Variants in MYO1C observed in about 807,000 individuals in gnomAD.
MYO1C encodes unconventional myosin-Ic.
A neutral mutation model predicts 150.8 loss-of-function variants in MYO1C; 104 were observed. The ratio of observed to expected loss-of-function variants is 0.69; its 90% confidence interval spans 0.59 to 0.81. The LOEUF (loss-of-function observed/expected upper bound fraction) is 0.81. Among genes scored for constraint, MYO1C ranks in the 30% least tolerant of loss-of-function variants. The probability of loss-of-function intolerance (pLI) is 0.00; values close to 1 mark genes in which losing one functional copy is unlikely to be tolerated. For missense variants in MYO1C, 1,504 were observed against 1,435.0 expected, an observed-to-expected ratio of 1.05 and a Z score of -0.78; for synonymous variants, 663 against 579.9, an observed-to-expected ratio of 1.14 and a Z score of -2.06.
At chr17:1,474,535 G>C (rs1360782432) in intron 17 of MYO1C, 75 bp downstream of exon 17, 2 of 1,496,096 alleles carry the variant, frequency 1.3e-6, no homozygotes, top group African/African-American at 2.8e-5. Context: ...CACGCTGCCA[G>C]CTCCCAGGCT....
At chr17:1,469,398 C>T (rs2074250482) in intron 25 of MYO1C, 133 bp downstream of exon 25, 4 of 882,834 alleles carry the variant, frequency 4.5e-6, no homozygotes, top group African/African-American at 1.7e-5. Context: ...TACGGTAGAT[C>T]GGGGTAAATA....
At chr17:1,481,507 A>G (rs901200036) in intron 5 of MYO1C, among the ~76,000 whole-genome samples, 6 of 151,572 alleles carry the variant, frequency 4.0e-5, no homozygotes, top group African/African-American at 1.5e-4. Context: ...TCATTTTTTT[A>G]TTTTTTATTT....
chr17:1,492,109 T>G, intron 1 of MYO1C: 1 of 430,836 alleles, frequency 2.3e-6, no homozygotes, highest in Non-Finnish European at 4.4e-6. Flanking sequence ...CATGCCCTGG[T>G]CCTTCGACCT....
Position 1,479,831 on chromosome 17 carries a change from G to A in MYO1C, c.907-126C>T, listed in dbSNP as rs2074480858. On this transcript the variant is annotated intron_variant, in intron 7 of 31. Transcript: ENST00000648651. This position sits in a 1 kb window ranked among gnomAD's most constrained non-coding sequence, Gnocchi z 4.2. ...GAGAGAAGGGGCTGGAAGTGGGAAT[G>A]GGTGTTAAAGGTGGAAGGTGATTCT... The A allele has an allele frequency of 1.5e-6, 1 of 678,078 alleles. No individual in the cohort carries two copies. The highest frequency in any genetic ancestry group is 1.8e-5 in the African/African-American group (1 of 56,228). The allele number at this position is 678,078 out of a possible 1,614,324, so 42.0% of individuals were successfully genotyped here.
intron 18 of MYO1C, 47 bp downstream of exon 18, chr17:1,472,076 C>T (rs751552103): frequency 3.7e-6 from 6 of 1,612,932 alleles, no homozygotes; most frequent in Non-Finnish European, 2.5e-6. Context: ...CGGCCTGTCT[C>T]CTGCAGGGGA....
chr17:1,477,194 TTG>T, intron 14 of MYO1C: 21 of 265,862 alleles, frequency 7.9e-5, no homozygotes, highest in South Asian at 2.4e-4. Context: ...TTTTTTTTTT[TTG>T]AGACGGAGTC....
intron 25 of MYO1C, chr17:1,468,734 T>C: frequency 1.7e-6 from 1 of 575,400 alleles, no homozygotes; most frequent in East Asian, 2.9e-5. Flanking sequence ...GTTTTGAAAC[T>C]GGCCTTGGTA....
At chr17:1,477,814 G>T in intron 13 of MYO1C, 77 bp downstream of exon 13, 3 of 1,398,306 alleles carry the variant, frequency 2.1e-6, no homozygotes, top group Non-Finnish European at 3.0e-6. Context: ...CCGTGGACCA[G>T]CCTGGAGAGA....
Position 1,480,903 on chromosome 17 carries a change from C to A in MYO1C, c.628-18G>T, listed in dbSNP as rs778124706. On this transcript the variant is annotated intron_variant, in intron 5 of 31. Coordinates refer to ENST00000648651, the MANE Select transcript of MYO1C (RefSeq NM_001080779.2). ...GGGGCACCCTGTGGGCAGGGCAGGG[C>A]ATGAGGCCGGGTCACGGGGACTGGG... The A allele has an allele frequency of 1.2e-6, 2 of 1,613,190 alleles. No homozygotes were observed. Among genetic ancestry groups the A allele is most frequent in the Non-Finnish European group, 1.7e-6 (2 of 1,179,900 alleles).
In MYO1C at chr17:1,467,902, CAG is replaced by C. The variant is rs1567513486; in HGVS notation, c.2903_2904del (p.Ser968CysfsTer19). ...AAAAGACTGTCGCTCAGGCTGCTGA[CAG>C]AGATTCCTGAGGGGAGAGGGCAAAG... ...RIDYANLTGI[S>X]VSSLSDSLFV... On this transcript the variant is annotated frameshift_variant, in exon 29 of 32. Transcript: ENST00000648651. LOFTEE classifies it high-confidence loss of function. 4 of 1,612,020 alleles carry C rather than the reference CAG, an allele frequency of 2.5e-6. No homozygotes were observed. Among genetic ancestry groups the C allele is most frequent in the South Asian group, 1.1e-5 (1 of 90,940 alleles).
In MYO1C at chr17:1,479,389, A is replaced by G. The variant is rs755860212; in HGVS notation, c.1092+42T>C. 1.5e-5 allele frequency: 14 copies of G among 915,380 alleles called. No individual in the cohort carries two copies. Among genetic ancestry groups the G allele is most frequent in the Admixed American group, 6.0e-5 (3 of 50,298 alleles). 56.7% of individuals were successfully genotyped at this position (915,380 alleles called of 1,614,324 possible). On this transcript the variant is annotated intron_variant, in intron 9 of 31. Transcript: ENST00000648651. This position sits in a 1 kb window ranked among gnomAD's most constrained non-coding sequence, Gnocchi z 4.2. ...TGATGGGAGTAGGGGCTGCCTTGGA[A>G]CAGCTGCCCCTCCACACCCGAGGGC...
chr17:1,470,498 C>A lies in MYO1C; in HGVS notation c.2303G>T (p.Trp768Leu). ...KRSAICIQSWWRGTLGRRKAA... is the reference protein window; with the variant it reads ...KRSAICIQSWLRGTLGRRKAA... ...CTTCCTCCGGCCCAGTGTTCCACGCCACCACGACTGGATGCAGATGGCTGT... is the reference window on the plus strand; with the variant it reads ...CTTCCTCCGGCCCAGTGTTCCACGCAACCACGACTGGATGCAGATGGCTGT... The change falls in exon 23 of 32, where the codon TGG (tryptophan) becomes TTG (leucine). Residue 768 changes from tryptophan to leucine, a missense_variant. Transcript: ENST00000648651. 1 of 1,552,042 alleles carries A rather than the reference C, an allele frequency of 6.4e-7. No homozygotes were observed. The highest frequency in any genetic ancestry group is 8.7e-7 in the Non-Finnish European group (1 of 1,147,558).
In MYO1C at chr17:1,470,296, C is replaced by G; in HGVS notation, c.2405G>C (p.Cys802Ser). Reference protein sequence around the residue: ...RGFVLRHAPRCPENAFFLDHV... With the variant: ...RGFVLRHAPRSPENAFFLDHV... ...GTCCAGGAAGAAGGCGTTCTCGGGGCAGCGGGGGGCGTGGCGCAGGACGAA... is the reference window on the plus strand; with the variant it reads ...GTCCAGGAAGAAGGCGTTCTCGGGGGAGCGGGGGGCGTGGCGCAGGACGAA... Residue 802 changes from cysteine to serine, a missense_variant, in exon 24 of 32, where the codon TGC (cysteine) becomes TCC (serine). By Grantham distance (112) the Cys-to-Ser change is moderately radical. Transcript: ENST00000648651. The G allele has an allele frequency of 5.7e-6, 9 of 1,574,848 alleles. No individual in the cohort carries two copies. The highest frequency in any genetic ancestry group is 7.7e-6 in the Non-Finnish European group (9 of 1,162,322).
Position 1,478,973 on chromosome 17 carries a change from G to A in MYO1C, c.1093-238C>T, listed in dbSNP as rs1388470473. Among the ~76,000 whole-genome samples the A allele has an allele frequency of 1.3e-5, 2 of 152,110 alleles. No homozygotes were observed. The highest frequency in any genetic ancestry group is 2.9e-5 in the Non-Finnish European group (2 of 68,022). ...CCGAGGTGGGAGTCTGGTTCTAGCC[G>A]GACTGTTACTCTCTTCCTATGTGAC... On this transcript the variant is annotated intron_variant, in intron 9 of 31. Coordinates refer to ENST00000648651, the MANE Select transcript of MYO1C (RefSeq NM_001080779.2). The surrounding 1 kb of genome is among the most constrained non-coding windows in gnomAD (Gnocchi z 6.3).
Position 1,492,551 on chromosome 17 carries a change from T to A in MYO1C, c.-64A>T. ...CTGTGAGCAAGAGCTGCCTGCCCAC[T>A]GGCGGGCTCCGACCACTCCGGGACC... On this transcript the variant is annotated 5_prime_UTR_variant, in exon 1 of 32. Transcript: ENST00000648651. 1 of 1,485,116 alleles carries A rather than the reference T, an allele frequency of 6.7e-7. No homozygotes were observed. The highest frequency in any genetic ancestry group is 1.2e-5 in the South Asian group (1 of 83,426). 92.0% of individuals were successfully genotyped at this position (1,485,116 alleles called of 1,614,324 possible). A position where few individuals can be genotyped will look rare whatever the true frequency, so the allele number is the denominator to read the frequency against.
intron 25 of MYO1C, 186 bp downstream of exon 25, chr17:1,469,327 ATAAATACGGTAGGCGGGG>A (rs1325976447): frequency 1.1e-5 from 6 of 555,282 alleles, no homozygotes; most frequent in East Asian, 3.1e-5. Context: ...GTAGACCGAG[ATAAATACGGTAGGCGGGG>A]TAAATACGGT....
rs946071262 is a variant in MYO1C at position 1,480,080 on chromosome 17, G to A, written c.907-375C>T. Among the ~76,000 whole-genome samples the A allele has an allele frequency of 1.2e-4, 18 of 147,978 alleles. No homozygotes were observed. In the East Asian group the frequency reaches 3.6e-3, roughly 29 times the overall value. ...AGAATCACTTTAACCTGGAGGCAGA[G>A]GTTGCAGTGAACTGAGATCGCACCA... On this transcript the variant is annotated intron_variant, in intron 7 of 31. Coordinates refer to ENST00000648651, the MANE Select transcript of MYO1C (RefSeq NM_001080779.2).
chr17:1,483,016 G>T lies in MYO1C; in HGVS notation c.391C>A (p.Arg131Ser). The T allele has an allele frequency of 6.2e-7, 1 of 1,611,846 alleles. No individual in the cohort carries two copies. The highest frequency in any genetic ancestry group is 8.5e-7 in the Non-Finnish European group (1 of 1,179,842). ...GAGATCATCACAGCCTGGTCCCGAC[G>T]CTCCGTGCGCAGTGCTCGGTACACA... is the stretch of plus-strand genomic sequence containing the variant. ...DTVYRALRTERRDQAVMISGE... is the reference protein window; with the variant it reads ...DTVYRALRTESRDQAVMISGE... Residue 131 changes from arginine (R) to serine (S), a missense_variant, in exon 4 of 32, where the codon CGT (arginine) becomes AGT (serine). Coordinates refer to ENST00000648651, the MANE Select transcript of MYO1C (RefSeq NM_001080779.2).
rs144751443 is a variant in MYO1C, at chr17:1,469,145, T to C, written c.2610+386A>G. On this transcript the variant is annotated intron_variant, in intron 25 of 31. Transcript: ENST00000648651. ...GGTAAATAGAGCAGACCGGGGTAAA[T>C]AGAGCAGACCGGGGTAAACAGAGTA... 2.6e-5 allele frequency: 9 copies of C among 345,222 alleles called. No individual in the cohort carries two copies. The East Asian group carries it at 5.3e-4, about 20-fold the overall frequency. The allele number at this position is 345,222 out of a possible 1,614,324, so 21.4% of individuals were successfully genotyped here.
Sources: allele counts gnomAD v4.1 joint callset (sites outside exome capture counted in the v4.1 genomes callset), GRCh38; gene constraint gnomAD v4.1.1; non-coding constraint Gnocchi (gnomAD v3.1); transcripts MANE v1.5; gene names NCBI Gene and HGNC (gene_info 2026-07-23, HGNC 2026-07-21).